Variants in PKHD1L1 observed in about 807,000 individuals in gnomAD.
PKHD1L1 encodes the protein PKHD1 like 1.
In PKHD1L1, 434 loss-of-function variants were observed where a neutral mutation model predicts 462.9. The observed-to-expected ratio is 0.94, with a 90% CI of 0.87 to 1.02. PKHD1L1 has a LOEUF of 1.02. PKHD1L1 is among the 50% of genes least tolerant of loss of function. The probability of loss-of-function intolerance (pLI) is 0.00; values close to 1 mark genes in which losing one functional copy is unlikely to be tolerated. For missense variants in PKHD1L1, 5,202 were observed against 5,096.1 expected (o/e 1.02, Z -0.63); for synonymous variants, 1,781 against 1,750.0 (o/e 1.02, Z -0.44).
At position 109,512,727 on chromosome 8, in the gene PKHD1L1, G is replaced by A. The variant is rs549102148; in HGVS notation, c.11553+1793G>A. On this transcript the variant is annotated intron_variant, in intron 71 of 77. Coordinates refer to ENST00000378402, the MANE Select transcript of PKHD1L1 (RefSeq NM_177531.6). ...CTTTAAAGTAGTTTTTTCCAGTTCTGTGAAGAAAGTCATTGGCAGCTTGAT... is the reference window on the plus strand; with the variant it reads ...CTTTAAAGTAGTTTTTTCCAGTTCTATGAAGAAAGTCATTGGCAGCTTGAT... Among the ~76,000 whole-genome samples the A allele has an allele frequency of 4.6e-5, 7 of 152,158 alleles. No homozygotes were observed. In the South Asian group the frequency reaches 1.2e-3, roughly 27 times the overall value.
intron 61 of PKHD1L1, among the ~76,000 whole-genome samples, chr8:109,491,519 T>A (rs563188143): frequency 1.3e-5 from 2 of 151,856 alleles, no homozygotes; most frequent in Non-Finnish European, 2.9e-5. Flanking sequence ...ATAAAGGTTA[T>A]ATACAACTTT....
intron 10 of PKHD1L1, among the ~76,000 whole-genome samples, chr8:109,395,075 A>G (rs537486223): frequency 6.6e-6 from 1 of 152,288 alleles, no homozygotes; most frequent in Non-Finnish European, 1.5e-5. Flanking sequence ...GGGAGAGAGT[A>G]TTTACCGCAT....
chr8:109,387,788 T>C (rs926426938), intron 6 of PKHD1L1, among the ~76,000 whole-genome samples: 1 of 152,182 alleles, frequency 6.6e-6, no homozygotes. Flanking sequence ...ATAGTTCAAG[T>C]TTGTATCTGG....
At chr8:109,417,013 T>C (rs906393667) in intron 21 of PKHD1L1, among the ~76,000 whole-genome samples, 1 of 152,174 alleles carries the variant, frequency 6.6e-6, no homozygotes, top group African/African-American at 2.4e-5. Flanking sequence ...AATCAAGTCA[T>C]CACTTACCAT....
At chr8:109,399,792 A>T (rs1813176673) in intron 12 of PKHD1L1, among the ~76,000 whole-genome samples, 2 of 152,170 alleles carry the variant, frequency 1.3e-5, no homozygotes, top group Non-Finnish European at 1.5e-5. Flanking sequence ...GCTGTTTTAC[A>T]TGTGTATTAT....
intron 21 of PKHD1L1, among the ~76,000 whole-genome samples, chr8:109,417,237 G>A (rs1814222963): frequency 6.6e-6 from 1 of 152,024 alleles, no homozygotes; most frequent in Non-Finnish European, 1.5e-5. Flanking sequence ...AAAGGCTTGA[G>A]GGGATGGATA....
intron 48 of PKHD1L1, among the ~76,000 whole-genome samples, chr8:109,463,959 A>G (rs1817276333): frequency 6.6e-6 from 1 of 152,130 alleles, no homozygotes; most frequent in Non-Finnish European, 1.5e-5. Flanking sequence ...TTACTAATAT[A>G]CCAAGGCAAA....
At chr8:109,481,110 G>A (rs908493637) in intron 55 of PKHD1L1, among the ~76,000 whole-genome samples, 4 of 151,830 alleles carry the variant, frequency 2.6e-5, no homozygotes, top group South Asian at 2.1e-4. Flanking sequence ...GGGTGTAAGC[G>A]TAAAGAGTAT....
At position 109,504,414 on chromosome 8, in the gene PKHD1L1, A is replaced by C. The variant is rs1487453009; in HGVS notation, c.10916A>C (p.His3639Pro). ...ITNPLNEDLQ[H>P]PIHVKNIKLV... is the part of the protein sequence containing the mutation. The stretch of plus-strand genomic sequence containing the variant: ...AACCCTTTAAATGAGGATTTACAGC[A>C]TCCAATCCATGTGAAGAATATAAAA... The change falls in exon 68 of 78, where the codon CAT becomes CCT. Residue 3639 changes from histidine to proline, a missense_variant. Physicochemically the swap from His to Pro is moderately conservative, Grantham distance 77. This residue lies in a region of PKHD1L1 where 698 missense variants were observed against 736.3 expected (regional missense o/e 0.95). Transcript: ENST00000378402. The C allele has an allele frequency of 6.4e-7, 1 of 1,563,726 alleles. No homozygotes were observed. Among genetic ancestry groups the C allele is most frequent in the Middle Eastern group, 1.7e-4 (1 of 5,956 alleles).
intron 23 of PKHD1L1, 119 bp downstream of exon 23, chr8:109,420,809 A>G: frequency 1.3e-6 from 1 of 764,394 alleles, no homozygotes; most frequent in Non-Finnish European, 1.9e-6. Flanking sequence ...TTCTAAGGTT[A>G]TATGAAGATT....
chr8:109,523,417 A>G, intron 76 of PKHD1L1, 31 bp downstream of exon 76: 1 of 1,540,758 alleles, frequency 6.5e-7, no homozygotes, highest in Non-Finnish European at 8.9e-7. Flanking sequence ...CCTCACATAT[A>G]TAGCCATAAA....
Position 109,406,397 on chromosome 8 carries a change from A to G in PKHD1L1, c.1732A>G (p.Ile578Val), listed in dbSNP as rs189377523. 5 of 1,577,126 alleles carry G rather than the reference A, an allele frequency of 3.2e-6. No individual in the cohort carries two copies. Among genetic ancestry groups the G allele is most frequent in the South Asian group, 1.2e-5 (1 of 85,920 alleles). The change falls in exon 17 of 78, where the codon ATA becomes GTA. Residue 578 changes from isoleucine to valine, a missense_variant. By Grantham distance (29) the Ile-to-Val change is conservative (BLOSUM62 3). Coordinates refer to ENST00000378402, the MANE Select transcript of PKHD1L1 (RefSeq NM_177531.6). ...ATCAGCCTTGAATGACCTCTGGTCTATAAAACCGGACACAGTTCAAGTAAT... is the reference window on the plus strand; with the variant it reads ...ATCAGCCTTGAATGACCTCTGGTCTGTAAAACCGGACACAGTTCAAGTAAT... ...LQSALNDLWS[I>V]KPDTVQVIRT...
intron 70 of PKHD1L1, 23 bp downstream of exon 70, chr8:109,508,287 CTACAAT>C (rs771985125): frequency 6.4e-7 from 1 of 1,568,276 alleles, no homozygotes. Context: ...TATGAGTAAA[CTACAAT>C]TACTCAAAAC....
At chr8:109,444,601 AT>A in intron 37 of PKHD1L1, 59 bp from the exon 38 acceptor site, 1 of 1,439,856 alleles carries the variant, frequency 6.9e-7, no homozygotes, top group Non-Finnish European at 9.4e-7. Flanking sequence ...CTAATACAAA[AT>A]TTGTTTATAC....
intron 67 of PKHD1L1, among the ~76,000 whole-genome samples, chr8:109,499,793 G>A (rs146217226): frequency 3.3e-5 from 5 of 152,310 alleles, no homozygotes; most frequent in African/African-American, 1.2e-4. Flanking sequence ...AAGAGAACAG[G>A]GCAAGGGAAG....
rs1813212147 is a variant in PKHD1L1 at position 109,400,353 on chromosome 8, G to A, written c.1281+9G>A. On this transcript the variant is annotated intron_variant, in intron 13 of 77. Coordinates refer to ENST00000378402, the MANE Select transcript of PKHD1L1 (RefSeq NM_177531.6). ...GACTTCCAGAAGATAAGGTAGGGAA[G>A]CCTCAGAATACTATTTGATACTGTA... 6.2e-7 allele frequency: 1 copy of A among 1,610,020 alleles called. No individual in the cohort carries two copies. The highest frequency in any genetic ancestry group is 8.5e-7 in the Non-Finnish European group (1 of 1,177,506).
intron 19 of PKHD1L1, 121 bp downstream of exon 19, chr8:109,410,099 A>G: frequency 1.8e-6 from 1 of 564,766 alleles, no homozygotes; most frequent in South Asian, 3.4e-5. Context: ...TCAAATTGCA[A>G]AAATGACTTT....
At position 109,533,511 on chromosome 8, in the gene PKHD1L1, A is replaced by C. The variant is rs1221640831; in HGVS notation, c.*3421A>C. Among the ~76,000 whole-genome samples the C allele has an allele frequency of 1.3e-5, 2 of 152,234 alleles. No individual in the cohort carries two copies. On this transcript the variant is annotated 3_prime_UTR_variant, in exon 78 of 78. Coordinates refer to ENST00000378402, the MANE Select transcript of PKHD1L1 (RefSeq NM_177531.6). ...TTGGCTGGGCACTGGGCCACCTAGAACAAAGACAATTTCCCAGCTTCACTT... is the reference window on the plus strand; with the variant it reads ...TTGGCTGGGCACTGGGCCACCTAGACCAAAGACAATTTCCCAGCTTCACTT...
rs764255680 is a variant in PKHD1L1 at position 109,406,467 on chromosome 8, T to C, written c.1802T>C (p.Ile601Thr). The change falls in exon 17 of 78, where the codon ATA becomes ACA. Residue 601 changes from isoleucine (I) to threonine (T), a missense_variant. Transcript: ENST00000378402. ...PQSYVYMVTF[I>T]STRGDFDLLG... The stretch of plus-strand genomic sequence containing the variant: ...AGCTATGTCTACATGGTAACATTCA[T>C]ATCAACTAGAGGTAAGCATGTACTT... 4.4e-6 allele frequency: 7 copies of C among 1,601,268 alleles called. No individual in the cohort carries two copies. Among genetic ancestry groups the C allele is most frequent in the African/African-American group, 1.3e-5 (1 of 74,662 alleles).
Sources: allele counts gnomAD v4.1 joint callset (sites outside exome capture counted in the v4.1 genomes callset), GRCh38; gene constraint gnomAD v4.1.1; regional missense constraint gnomAD v4.1.1; transcripts MANE v1.5; gene names NCBI Gene and HGNC (gene_info 2026-07-23, HGNC 2026-07-21).